ALK: variants seen among roughly 807,000 people sequenced by gnomAD.
ALK encodes the protein ALK receptor tyrosine kinase.
Under a neutral mutation model 163.1 loss-of-function variants are expected in ALK, and 74 were observed. The ratio of observed to expected loss-of-function variants is 0.45; its 90% confidence interval spans 0.38 to 0.55. ALK has a LOEUF of 0.55. Ranked by LOEUF, ALK falls within the 20% of genes least tolerant of loss-of-function variation. The pLI, the probability that ALK is intolerant of heterozygous loss-of-function variation, is 0.00. For missense variants in ALK, 2,063 were observed against 2,105.3 expected (o/e 0.98, Z 0.39); for synonymous variants, 960 against 843.2 (o/e 1.14, Z -2.40).
intron 4 of ALK, among the ~76,000 whole-genome samples, chr2:29,497,238 C>T (rs985660107): frequency 1.3e-5 from 2 of 151,932 alleles, no homozygotes; most frequent in African/African-American, 4.8e-5. Context: ...TGCCACTGCA[C>T]TCCTGCCTGG....
intron 1 of ALK, among the ~76,000 whole-genome samples, chr2:29,758,769 A>G (rs1209732022): frequency 1.3e-5 from 2 of 152,168 alleles, no homozygotes; most frequent in East Asian, 3.9e-4. Flanking sequence ...ATGAATTCCT[A>G]CCTCTGTCAG....
chr2:29,914,422 A>G (rs554095022), intron 1 of ALK, among the ~76,000 whole-genome samples: 1 of 152,332 alleles, frequency 6.6e-6, no homozygotes, highest in East Asian at 1.9e-4. Context: ...CAGACAGACT[A>G]AAATGTATAT....
intron 4 of ALK, among the ~76,000 whole-genome samples, chr2:29,515,307 A>G (rs1672631626): frequency 6.6e-6 from 1 of 151,756 alleles, no homozygotes; most frequent in Admixed American, 6.5e-5. Context: ...TGACATAATT[A>G]TACATATAAT....
intron 23 of ALK, among the ~76,000 whole-genome samples, chr2:29,218,855 G>T (rs1444906006): frequency 2.6e-5 from 4 of 152,266 alleles, no homozygotes; most frequent in African/African-American, 9.6e-5. Context: ...CTAGGTGGTG[G>T]TGGGAAAGCC....
At chr2:29,860,623 A>G (rs1434045541) in intron 1 of ALK, among the ~76,000 whole-genome samples, 1 of 152,200 alleles carries the variant, frequency 6.6e-6, no homozygotes, top group Non-Finnish European at 1.5e-5. Context: ...GATAGATCAT[A>G]TGCTATGCCA....
At chr2:29,806,330 GT>G (rs1004123198) in intron 1 of ALK, among the ~76,000 whole-genome samples, 5 of 152,136 alleles carry the variant, frequency 3.3e-5, no homozygotes, top group African/African-American at 1.2e-4. Flanking sequence ...GACTAACAGT[GT>G]TTTAAATCAG....
chr2:29,311,785 T>A (rs1481372964), intron 8 of ALK, among the ~76,000 whole-genome samples: 3 of 152,036 alleles, frequency 2.0e-5, no homozygotes, highest in African/African-American at 7.2e-5. Context: ...GACAATATCA[T>A]CTTCTCTGGG....
chr2:29,540,485 G>A (rs1222573118), intron 3 of ALK, among the ~76,000 whole-genome samples: 1 of 151,638 alleles, frequency 6.6e-6, no homozygotes, highest in African/African-American at 2.4e-5. Context: ...GAATAATCAG[G>A]CCAAATATTA....
At chr2:29,565,811 G>T (rs1674168547) in intron 3 of ALK, among the ~76,000 whole-genome samples, 1 of 152,066 alleles carries the variant, frequency 6.6e-6, no homozygotes, top group African/African-American at 2.4e-5. Flanking sequence ...ACTCCTAAAA[G>T]GATTTTATTA....
intron 1 of ALK, among the ~76,000 whole-genome samples, chr2:29,725,635 T>C (rs996701282): frequency 6.6e-6 from 1 of 151,546 alleles, no homozygotes; most frequent in Non-Finnish European, 1.5e-5. Context: ...TGTTGATTTC[T>C]TTTCTTTTTT....
At chr2:29,480,357 G>A (rs1437704890) in intron 4 of ALK, among the ~76,000 whole-genome samples, 3 of 152,130 alleles carry the variant, frequency 2.0e-5, no homozygotes, top group African/African-American at 7.2e-5. Context: ...GGATGGAGCT[G>A]TTTGTAATAT....
intron 4 of ALK, among the ~76,000 whole-genome samples, chr2:29,433,818 T>G (rs1670335311): frequency 6.6e-6 from 1 of 152,202 alleles, no homozygotes; most frequent in South Asian, 2.1e-4. Flanking sequence ...AATAGGAACT[T>G]ATTTCCTGGC....
chr2:29,196,104 T>C (rs1275462284), intron 28 of ALK, among the ~76,000 whole-genome samples: 1 of 152,048 alleles, frequency 6.6e-6, no homozygotes, highest in African/African-American at 2.4e-5. Flanking sequence ...ATTGAAGGAA[T>C]GGGAGAGGGA....
At chr2:29,652,690 A>G (rs183264987) in intron 3 of ALK, among the ~76,000 whole-genome samples, 1 of 152,214 alleles carries the variant, frequency 6.6e-6, no homozygotes, top group African/African-American at 2.4e-5. Context: ...ACCAATGGTC[A>G]ATAATGTAAT....
intron 1 of ALK, among the ~76,000 whole-genome samples, chr2:29,871,154 G>A (rs1257761879): frequency 6.6e-6 from 1 of 152,156 alleles, no homozygotes; most frequent in Non-Finnish European, 1.5e-5. Flanking sequence ...CAAGCGTTAA[G>A]GGTTAGGATG....
chr2:29,229,196 C>T, intron 15 of ALK, 130 bp from the exon 16 acceptor site: 2 of 801,076 alleles, frequency 2.5e-6, no homozygotes, highest in Non-Finnish European at 4.3e-6. Flanking sequence ...GGCCCATCTT[C>T]AGTGGGGCCT....
intron 1 of ALK, among the ~76,000 whole-genome samples, chr2:29,753,708 T>A (rs1680437311): frequency 6.6e-6 from 1 of 152,192 alleles, no homozygotes; most frequent in African/African-American, 2.4e-5. Context: ...CCCAGGGCAA[T>A]TTCCAATTTC....
At chr2:29,771,752 T>C (rs560808936) in intron 1 of ALK, among the ~76,000 whole-genome samples, 1 of 151,948 alleles carries the variant, frequency 6.6e-6, no homozygotes, top group South Asian at 2.1e-4. Context: ...GCCAGGATGG[T>C]CTCGATTGCC....
intron 4 of ALK, among the ~76,000 whole-genome samples, chr2:29,416,379 T>G (rs1669876985): frequency 6.6e-6 from 1 of 152,232 alleles, no homozygotes; most frequent in Non-Finnish European, 1.5e-5. Flanking sequence ...TTTTAGCTAT[T>G]TCTTCAAGTG....
Sources: allele counts gnomAD v4.1 joint callset (sites outside exome capture counted in the v4.1 genomes callset), GRCh38; gene constraint gnomAD v4.1.1; transcripts MANE v1.5; gene names NCBI Gene and HGNC (gene_info 2026-07-23, HGNC 2026-07-21).